The following USP45 variants were observed in gnomAD, a reference collection of about 807,000 sequenced individuals.
The protein encoded by USP45 is ubiquitin carboxyl-terminal hydrolase 45.
A neutral mutation model predicts 95.8 loss-of-function variants in USP45; 89 were observed. The ratio of observed to expected loss-of-function variants is 0.93; its 90% confidence interval spans 0.78 to 1.11. The LOEUF (loss-of-function observed/expected upper bound fraction) is 1.11. USP45 is among the 50% of genes least tolerant of loss of function. The pLI is 0.00. For synonymous variants in USP45, 281 were observed against 316.2 expected, an observed-to-expected ratio of 0.89 and a Z score of 1.18; for missense variants, 898 against 942.5, an observed-to-expected ratio of 0.95 and a Z score of 0.62.
At chr6:99,502,228 T>C (rs1346990739) in intron 5 of USP45, among the ~76,000 whole-genome samples, 3 of 152,218 alleles carry the variant, frequency 2.0e-5, no homozygotes, top group Admixed American at 1.3e-4. Context: ...TGCATCCTCA[T>C]TCCCTCTGGA....
chr6:99,476,319 A>AT, intron 8 of USP45, 89 bp from the exon 9 acceptor site: 1 of 1,309,796 alleles, frequency 7.6e-7, no homozygotes, highest in Non-Finnish European at 1.1e-6. Context: ...TTGAAATAGC[A>AT]TATTATTAGC....
intron 5 of USP45, chr6:99,501,782 C>T (rs1797421031): frequency 1.4e-5 from 7 of 499,592 alleles, no homozygotes; most frequent in Non-Finnish European, 2.0e-5. Context: ...TATACAATAA[C>T]AAAATACATA....
At chr6:99,508,336 T>C (rs1798993694) in intron 3 of USP45, among the ~76,000 whole-genome samples, 1 of 152,178 alleles carries the variant, frequency 6.6e-6, no homozygotes. Context: ...CCTAAGTAAA[T>C]ACAAAAGGTA....
intron 1 of USP45, among the ~76,000 whole-genome samples, chr6:99,513,181 G>T (rs755855270): frequency 3.3e-5 from 5 of 152,076 alleles, no homozygotes; most frequent in Non-Finnish European, 5.9e-5. Flanking sequence ...CACCTCTCTC[G>T]CAGAACCCAA....
At chr6:99,450,312 G>C (rs1008237122) in intron 13 of USP45, among the ~76,000 whole-genome samples, 3 of 151,858 alleles carry the variant, frequency 2.0e-5, no homozygotes, top group Non-Finnish European at 4.4e-5. Flanking sequence ...AGAAAAGAGA[G>C]AAGAATCAAA....
At chr6:99,454,325 G>T (rs1784534304) in intron 13 of USP45, among the ~76,000 whole-genome samples, 1 of 152,102 alleles carries the variant, frequency 6.6e-6, no homozygotes, top group South Asian at 2.1e-4. Flanking sequence ...ATAGATAAAA[G>T]ACTTAAATGT....
At chr6:99,454,123 C>A (rs1784498017) in intron 13 of USP45, among the ~76,000 whole-genome samples, 1 of 152,086 alleles carries the variant, frequency 6.6e-6, no homozygotes, top group African/African-American at 2.4e-5. Context: ...TAAAAACAGA[C>A]ACATAGACCA....
chr6:99,449,853 ACT>A (rs756732500), intron 13 of USP45, among the ~76,000 whole-genome samples: 5 of 152,218 alleles, frequency 3.3e-5, no homozygotes, highest in African/African-American at 4.8e-5. Context: ...GTGCAATCAA[ACT>A]AGAACTCAGG....
chr6:99,490,462 G>A (rs976044464), intron 5 of USP45, among the ~76,000 whole-genome samples: 8 of 151,884 alleles, frequency 5.3e-5, no homozygotes, highest in African/African-American at 1.9e-4. Flanking sequence ...TTACAGGTGT[G>A]AGCCACCGTA....
intron 7 of USP45, among the ~76,000 whole-genome samples, chr6:99,485,303 C>T (rs1242110017): frequency 6.6e-6 from 1 of 151,890 alleles, no homozygotes; most frequent in African/African-American, 2.4e-5. Context: ...CGAGATCGTG[C>T]CACTGCATTC....
At chr6:99,452,182 G>C (rs1784017389) in intron 13 of USP45, among the ~76,000 whole-genome samples, 1 of 152,160 alleles carries the variant, frequency 6.6e-6, no homozygotes, top group South Asian at 2.1e-4. Context: ...TGACAAATGG[G>C]ATCTAATTAA....
intron 15 of USP45, among the ~76,000 whole-genome samples, chr6:99,440,479 A>G (rs1402170138): frequency 6.6e-6 from 1 of 152,206 alleles, no homozygotes; most frequent in African/African-American, 2.4e-5. Context: ...AAACTAGCTA[A>G]TAAAATATCA....
intron 8 of USP45, among the ~76,000 whole-genome samples, chr6:99,480,270 A>G (rs1017545703): frequency 2.0e-5 from 3 of 152,196 alleles, no homozygotes; most frequent in Admixed American, 6.5e-5. Context: ...AAAACTGGTA[A>G]GATATCATAC....
chr6:99,478,222 T>TG (rs985012736), intron 8 of USP45, among the ~76,000 whole-genome samples: 14 of 5,714 alleles, frequency 2.5e-3, no homozygotes, highest in Non-Finnish European at 0.016. Flanking sequence ...TTAGATTTGT[T>TG]TTTTTTTTTT....
At chr6:99,494,855 C>T (rs1312935069) in intron 5 of USP45, among the ~76,000 whole-genome samples, 2 of 152,080 alleles carry the variant, frequency 1.3e-5, no homozygotes, top group Non-Finnish European at 2.9e-5. Flanking sequence ...GATCATGCCA[C>T]TGCACTCCAG....
At position 99,503,600 on chromosome 6, in the gene USP45, G is replaced by A. The variant is rs1007019822; in HGVS notation, c.478+165C>T. ...CCACCTTGGCCTCCCAAAATGCTGG[G>A]ATTACAGGCATGAGCCACTGCACCC... On this transcript the variant is annotated intron_variant, in intron 5 of 17. Coordinates refer to ENST00000500704, the MANE Select transcript of USP45 (RefSeq NM_001346022.3). Among the ~76,000 whole-genome samples the A allele has an allele frequency of 2.7e-4, 41 of 152,060 alleles. 1 individual carries two copies. Among genetic ancestry groups the A allele is most frequent in the African/African-American group, 8.9e-4 (37 of 41,412 alleles).
chr6:99,493,772 T>C (rs1795716058), intron 5 of USP45, among the ~76,000 whole-genome samples: 1 of 152,238 alleles, frequency 6.6e-6, no homozygotes, highest in African/African-American at 2.4e-5. Flanking sequence ...GTGCTGGGAT[T>C]ACAGGCACGA....
Position 99,468,620 on chromosome 6 carries a change from T to C in USP45, c.934-2A>G. 1 of 1,593,668 alleles carries C rather than the reference T, an allele frequency of 6.3e-7. No homozygotes were observed. Among genetic ancestry groups the C allele is most frequent in the Non-Finnish European group, 8.6e-7 (1 of 1,165,100 alleles). Reference sequence around the variant, plus strand: ...TTTTAGAATGCTAGCTTGTATTCGCTGTAAAACAAAGTTAATAGATTCTGG... The same window carrying C: ...TTTTAGAATGCTAGCTTGTATTCGCCGTAAAACAAAGTTAATAGATTCTGG... On this transcript the variant is annotated splice_acceptor_variant, in intron 9 of 17. Coordinates refer to ENST00000500704, the MANE Select transcript of USP45 (RefSeq NM_001346022.3). LOFTEE classifies it high-confidence loss of function.
At chr6:99,498,647 T>C (rs2128765911) in intron 5 of USP45, among the ~76,000 whole-genome samples, 1 of 152,358 alleles carries the variant, frequency 6.6e-6, no homozygotes, top group East Asian at 1.9e-4. Context: ...AGAAGACAAC[T>C]TCCTTCTTTC....
Sources: allele counts gnomAD v4.1 joint callset (sites outside exome capture counted in the v4.1 genomes callset), GRCh38; gene constraint gnomAD v4.1.1; transcripts MANE v1.5; gene names NCBI Gene and HGNC (gene_info 2026-07-23, HGNC 2026-07-21).